Variants in STK33 observed in about 807,000 individuals in gnomAD.
The protein encoded by STK33 is serine/threonine kinase 33.
Under a neutral mutation model 58.0 loss-of-function variants are expected in STK33, and 52 were observed. That is an observed-to-expected ratio of 0.90 (90% CI 0.72 to 1.13). STK33 has a LOEUF of 1.13. Among genes scored for constraint, STK33 ranks in the 50% most tolerant of loss-of-function variants. The pLI is 0.00. For synonymous variants in STK33, 215 were observed against 200.1 expected, an observed-to-expected ratio of 1.07 and a Z score of -0.63; for missense variants, 630 against 604.2, an observed-to-expected ratio of 1.04 and a Z score of -0.45.
intron 2 of STK33, among the ~76,000 whole-genome samples, 102 bp downstream of exon 2, chr11:8,480,308 A>G (rs1949691387): frequency 6.6e-6 from 1 of 152,244 alleles, no homozygotes; most frequent in South Asian, 2.1e-4. Flanking sequence ...GGACGTATTG[A>G]GGTTCCTTCT....
intron 1 of STK33, among the ~76,000 whole-genome samples, chr11:8,560,370 AT>A (rs1284050219): frequency 2.0e-5 from 3 of 151,668 alleles, no homozygotes; most frequent in South Asian, 2.1e-4. Context: ...ATTTTTTCAA[AT>A]TTTTTTTCTG....
At chr11:8,468,458 C>T (rs754415191) in intron 6 of STK33, among the ~76,000 whole-genome samples, 1 of 152,140 alleles carries the variant, frequency 6.6e-6, no homozygotes, top group Non-Finnish European at 1.5e-5. Flanking sequence ...GAAAATTCAA[C>T]GCCCAACTAA....
At chr11:8,534,983 C>A (rs1954881227) in intron 1 of STK33, among the ~76,000 whole-genome samples, 1 of 152,052 alleles carries the variant, frequency 6.6e-6, no homozygotes, top group East Asian at 1.9e-4. Flanking sequence ...CCTCTAAGCA[C>A]CTTAGAAAGA....
chr11:8,440,825 T>C, intron 11 of STK33, 72 bp from the exon 12 acceptor site: 1 of 1,429,916 alleles, frequency 7.0e-7, no homozygotes, highest in Non-Finnish European at 9.5e-7. Flanking sequence ...AACACAAGCA[T>C]GAAAAATGTG....
chr11:8,490,355 T>C (rs1485998190), intron 1 of STK33, among the ~76,000 whole-genome samples: 3 of 152,170 alleles, frequency 2.0e-5, no homozygotes, highest in Admixed American at 6.5e-5. Context: ...GGCAGCAACC[T>C]GGCAGGGGGA....
At chr11:8,370,719 T>TGTGAGAAACA in the STK33 span, among the ~76,000 whole-genome samples, 83,726 of 151,598 alleles carry the variant, frequency 0.55, 23,297 homozygotes, top group African/African-American at 0.63. Context: ...AGGTAGCTCC[T>TGTGAGAAACA]GGGGGCTGGA....
chr11:8,488,063 T>C (rs1367933948), intron 1 of STK33, among the ~76,000 whole-genome samples: 1 of 152,128 alleles, frequency 6.6e-6, no homozygotes, highest in Non-Finnish European at 1.5e-5. Context: ...GAGCTAGGGC[T>C]CTTTCAAATG....
Position 8,425,301 on chromosome 11 carries a change from T to C in STK33, c.1146+10193A>G, listed in dbSNP as rs192424944. 2.2e-4 allele frequency among the ~76,000 whole-genome samples: 33 copies of C among 152,324 alleles called. 1 individual carries two copies. In the East Asian group the frequency reaches 5.4e-3, roughly 25 times the overall value. ...GTCAAAGATCAGATAGTTGTAGATA[T>C]GTGGCATTACTTCTGAGGGCTCTGT... On this transcript the variant is annotated intron_variant, in intron 14 of 15. Coordinates refer to ENST00000687296, the MANE Select transcript of STK33 (RefSeq NM_001352389.2).
intron 1 of STK33, among the ~76,000 whole-genome samples, chr11:8,541,098 T>C (rs1320017372): frequency 1.3e-5 from 2 of 151,760 alleles, no homozygotes; most frequent in East Asian, 1.9e-4. Flanking sequence ...CAATGGAAAA[T>C]AGATGAAGCA....
At chr11:8,541,486 T>G (rs1421283847) in intron 1 of STK33, among the ~76,000 whole-genome samples, 1 of 152,162 alleles carries the variant, frequency 6.6e-6, no homozygotes, top group Non-Finnish European at 1.5e-5. Flanking sequence ...CAGAAACTCT[T>G]TAGGCAATGC....
At chr11:8,538,409 A>C (rs929913768) in intron 1 of STK33, among the ~76,000 whole-genome samples, 1 of 152,090 alleles carries the variant, frequency 6.6e-6, no homozygotes, top group African/African-American at 2.4e-5. Context: ...ATGAATCCAA[A>C]CCGTCTGCCT....
At chr11:8,385,495 T>C in the STK33 span, among the ~76,000 whole-genome samples, 17 of 152,214 alleles carry the variant, frequency 1.1e-4, no homozygotes, top group African/African-American at 4.1e-4. Context: ...CACGGTTGGC[T>C]TCCTTAGAGA....
chr11:8,551,134 ATT>A (rs879439089), intron 1 of STK33, among the ~76,000 whole-genome samples: 1 of 147,380 alleles, frequency 6.8e-6, no homozygotes, highest in Admixed American at 6.8e-5. Flanking sequence ...ATTCTGAATA[ATT>A]TTTTTTTTTT....
chr11:8,465,358 G>A (rs1948052893), intron 6 of STK33: 1 of 149,642 alleles, frequency 6.7e-6, no homozygotes, highest in South Asian at 2.1e-4. Context: ...AGCAATATGT[G>A]ACAAAAATTT....
chr11:8,439,125 G>T (rs117544435), intron 12 of STK33, among the ~76,000 whole-genome samples: 141 of 152,212 alleles, frequency 9.3e-4, no homozygotes, highest in Middle Eastern at 3.4e-3. Context: ...TTCACATTCA[G>T]CAAGAGGCAG....
chr11:8,425,074 G>A (rs1295703790), intron 14 of STK33, among the ~76,000 whole-genome samples: 1 of 148,604 alleles, frequency 6.7e-6, no homozygotes, highest in East Asian at 2.0e-4. Flanking sequence ...CCTATGTCCT[G>A]AATGGTATTG....
intron 1 of STK33, among the ~76,000 whole-genome samples, chr11:8,498,293 T>A (rs973165898): frequency 1.3e-5 from 2 of 151,934 alleles, no homozygotes; most frequent in African/African-American, 4.8e-5. Context: ...TATACACCAA[T>A]AACAGACAAA....
At chr11:8,469,146 T>C (rs1296534963) in intron 6 of STK33, among the ~76,000 whole-genome samples, 1 of 152,218 alleles carries the variant, frequency 6.6e-6, no homozygotes, top group Non-Finnish European at 1.5e-5. Flanking sequence ...CTTCCTTTCA[T>C]AAAATATTTC....
intron 8 of STK33, among the ~76,000 whole-genome samples, chr11:8,460,779 T>C (rs774986052): frequency 2.8e-4 from 42 of 152,044 alleles, no homozygotes; most frequent in Admixed American, 6.6e-4. Flanking sequence ...TCTAAGAAGA[T>C]TTGGGGATAA....
Sources: gnomAD v4.1 joint callset for allele counts (sites outside exome capture counted in the v4.1 genomes callset) on GRCh38, gnomAD v4.1.1 for gene constraint, MANE v1.5 for transcripts, NCBI Gene and HGNC (gene_info 2026-07-23, HGNC 2026-07-21) for gene names.